Variants in CISD1 observed in about 807,000 individuals in gnomAD.
The protein encoded by CISD1 is CDGSH iron-sulfur domain-containing protein 1.
A neutral mutation model predicts 12.0 loss-of-function variants in CISD1; 8 were observed. That is an observed-to-expected ratio of 0.67 (90% CI 0.39 to 1.20). The LOEUF is 1.20. Ranked by LOEUF, CISD1 falls within the 50% of genes most tolerant of loss-of-function variation. CISD1 has a pLI of 0.01. For missense variants in CISD1, 107 were observed against 132.7 expected (o/e 0.81, Z 0.95); for synonymous variants, 38 against 42.2 (o/e 0.90, Z 0.39).
intron 2 of CISD1, among the ~76,000 whole-genome samples, chr10:58,281,542 A>G (rs1270563770): frequency 6.6e-6 from 1 of 152,224 alleles, no homozygotes; most frequent in Admixed American, 6.5e-5. Context: ...AGACTTTTGG[A>G]AACTCCCCAC....
intron 1 of CISD1, among the ~76,000 whole-genome samples, chr10:58,273,225 C>T (rs913448712): frequency 4.6e-5 from 7 of 151,932 alleles, no homozygotes; most frequent in Admixed American, 2.0e-4. Context: ...AAAAATTGCA[C>T]ATAGGAATTG....
At chr10:58,270,517 T>A (rs73301028) in intron 1 of CISD1, among the ~76,000 whole-genome samples, 3,321 of 152,306 alleles carry the variant, frequency 0.022, 135 homozygotes, top group African/African-American at 0.076. Context: ...GCCGCTGATA[T>A]TTTTAATTTT....
At chr10:58,280,401 A>G (rs1270704155) in intron 2 of CISD1, among the ~76,000 whole-genome samples, 3 of 152,232 alleles carry the variant, frequency 2.0e-5, no homozygotes, top group Non-Finnish European at 4.4e-5. Context: ...ACTAGGGGAG[A>G]AAAACTAAAG....
chr10:58,277,477 T>A (rs1227951678), intron 2 of CISD1, among the ~76,000 whole-genome samples, 155 bp downstream of exon 2: 1 of 152,130 alleles, frequency 6.6e-6, no homozygotes, highest in Non-Finnish European at 1.5e-5. Flanking sequence ...TGGAGTGCAG[T>A]GGTGTGATCT....
rs758777375 is a variant in CISD1 at position 58,277,269 on chromosome 10, A to G, written c.184A>G (p.Met62Val). 5.6e-6 allele frequency: 9 copies of G among 1,611,244 alleles called. No homozygotes were observed. The East Asian group carries it at 1.8e-4, about 32-fold the overall frequency. ...DNPKIVHAFD[M>V]EDLGDKAVYC... ...CCCCAAGATAGTACATGCTTTTGAC[A>G]TGGAGGATTTGGGAGATAAAGCTGT... Residue 62 changes from methionine (M) to valine (V), a missense_variant, in exon 2 of 3, where the codon ATG (methionine) becomes GTG (valine). Transcript: ENST00000333926.
At chr10:58,285,620 C>T (rs1839420301) in intron 2 of CISD1, among the ~76,000 whole-genome samples, 1 of 151,924 alleles carries the variant, frequency 6.6e-6, no homozygotes, top group Admixed American at 6.6e-5. Flanking sequence ...TATAGAGAAA[C>T]AAAAAAATTA....
intron 2 of CISD1, among the ~76,000 whole-genome samples, chr10:58,287,102 G>A (rs183600514): frequency 1.2e-3 from 190 of 152,246 alleles, no homozygotes; most frequent in African/African-American, 4.3e-3. Flanking sequence ...TGTATTTTTA[G>A]TAGAGACAGG....
Position 58,277,162 on chromosome 10 carries a change from T to C in CISD1, c.77T>C (p.Ile26Thr). ...AVTIAAGTAA[I>T]GYLAYKRFYV... ...ACCATTGCTGCTGGGACAGCTGCAA[T>C]TGGTTATCTAGCTTACAAAAGATTT... The change falls in exon 2 of 3, where the codon ATT becomes ACT. Residue 26 changes from isoleucine (I) to threonine (T), a missense_variant. Transcript: ENST00000333926. The C allele has an allele frequency of 6.2e-7, 1 of 1,612,410 alleles. No homozygotes were observed. The highest frequency in any genetic ancestry group is 1.1e-5 in the South Asian group (1 of 90,782).
intron 1 of CISD1, among the ~76,000 whole-genome samples, chr10:58,271,130 C>T (rs995133734): frequency 1.3e-5 from 2 of 148,954 alleles, no homozygotes; most frequent in East Asian, 3.9e-4. Context: ...AGCTCCGCCT[C>T]CCGGGTTCAT....
In CISD1 at chr10:58,286,225, A is replaced by G. The variant is rs534946048; in HGVS notation, c.238-1336A>G. ...GTTTCAAAAAAAAAAAAAAAAGTAA[A>G]AAAAAGAAACAATGAAGGAAAACTA... On this transcript the variant is annotated intron_variant, in intron 2 of 2. Coordinates refer to ENST00000333926, the MANE Select transcript of CISD1 (RefSeq NM_018464.5). Among the ~76,000 whole-genome samples the G allele has an allele frequency of 9.2e-5, 14 of 152,014 alleles. No individual in the cohort carries two copies. The East Asian group carries it at 1.2e-3, about 13-fold the overall frequency.
chr10:58,274,070 T>C (rs903307028), intron 1 of CISD1, among the ~76,000 whole-genome samples: 13 of 151,956 alleles, frequency 8.6e-5, no homozygotes, highest in African/African-American at 3.1e-4. Flanking sequence ...GGAGCAGAGG[T>C]TGCAGTGAGC....
intron 1 of CISD1, among the ~76,000 whole-genome samples, chr10:58,275,744 G>A (rs1458972776): frequency 1.3e-5 from 2 of 152,140 alleles, no homozygotes; most frequent in Admixed American, 6.5e-5. Flanking sequence ...GCTCTCTTAC[G>A]AGATGAGCAA....
At chr10:58,273,529 C>G (rs1218097298) in intron 1 of CISD1, 1 of 141,866 alleles carries the variant, frequency 7.0e-6, no homozygotes, top group Non-Finnish European at 1.5e-5. Flanking sequence ...CAAAATAATG[C>G]TCACAGTAAA....
intron 1 of CISD1, among the ~76,000 whole-genome samples, chr10:58,270,115 C>G (rs1036144200): frequency 1.3e-5 from 2 of 152,078 alleles, no homozygotes; most frequent in South Asian, 4.1e-4. Context: ...AACGCCACTT[C>G]GCAAGGTTTT....
chr10:58,276,537 A>C (rs1290451283), intron 1 of CISD1, among the ~76,000 whole-genome samples: 2 of 151,920 alleles, frequency 1.3e-5, no homozygotes, highest in Non-Finnish European at 2.9e-5. Context: ...TATTCCTTTG[A>C]AAATTAACAT....
At chr10:58,270,202 A>T (rs1466611271) in intron 1 of CISD1, among the ~76,000 whole-genome samples, 1 of 152,234 alleles carries the variant, frequency 6.6e-6, no homozygotes, top group African/African-American at 2.4e-5. Flanking sequence ...AGTGCCAGGT[A>T]ATAAAAAGTC....
At position 58,289,427 on chromosome 10, in the gene CISD1, A is replaced by G. The variant is rs1839465430; in HGVS notation, c.*1777A>G. On this transcript the variant is annotated 3_prime_UTR_variant, in exon 3 of 3. Transcript: ENST00000333926. ...GTGTATACATATGGCAAAATTATAA[A>G]TGACCACCTTACTGTGAAATATAGA... 6.6e-6 allele frequency: 1 copy of G among 152,124 alleles called. No homozygotes were observed. Among genetic ancestry groups the G allele is most frequent in the Non-Finnish European group, 1.5e-5 (1 of 67,940 alleles). 9.4% of individuals were successfully genotyped at this position (152,124 alleles called of 1,614,324 possible).
At chr10:58,286,061 C>T (rs1380416444) in intron 2 of CISD1, among the ~76,000 whole-genome samples, 4 of 151,812 alleles carry the variant, frequency 2.6e-5, no homozygotes, top group South Asian at 4.1e-4. Flanking sequence ...AAAAATTAGC[C>T]GGGCGTAGTG....
chr10:58,269,260 C>T lies in CISD1; in HGVS notation c.-14C>T. The T allele has an allele frequency of 6.2e-7, 1 of 1,607,888 alleles. No individual in the cohort carries two copies. On this transcript the variant is annotated 5_prime_UTR_variant, in exon 1 of 3. Coordinates refer to ENST00000333926, the MANE Select transcript of CISD1 (RefSeq NM_018464.5). The stretch of plus-strand genomic sequence containing the variant: ...TCGGTATCCTAGTGCACACGCCTTG[C>T]AAGCGACGGCGCCATGAGTCTGACT...
Sources: allele counts gnomAD v4.1 joint callset (sites outside exome capture counted in the v4.1 genomes callset), GRCh38; gene constraint gnomAD v4.1.1; transcripts MANE v1.5; gene names NCBI Gene and HGNC (gene_info 2026-07-23, HGNC 2026-07-21).